Variants in CFAP54 observed in about 807,000 individuals in gnomAD.
The protein encoded by CFAP54 is cilia and flagella associated protein 54.
In CFAP54, 290 loss-of-function variants were observed where a neutral mutation model predicts 370.4. The observed-to-expected ratio is 0.78, with a 90% CI of 0.71 to 0.86. CFAP54 has a LOEUF of 0.86. Among genes scored for constraint, CFAP54 ranks in the 40% least tolerant of loss-of-function variants. CFAP54 has a pLI of 0.00. For missense variants in CFAP54, 3,399 were observed against 3,528.7 expected (o/e 0.96, Z 0.93); for synonymous variants, 1,206 against 1,236.5 (o/e 0.98, Z 0.52).
chr12:96,781,038 T>G (rs774248802), intron 60 of CFAP54, among the ~76,000 whole-genome samples: 1 of 151,904 alleles, frequency 6.6e-6, no homozygotes, highest in Non-Finnish European at 1.5e-5. Flanking sequence ...AAGAAGTAGA[T>G]GTAATGTAGA....
At chr12:96,559,957 T>C (rs1002058762) in intron 17 of CFAP54, among the ~76,000 whole-genome samples, 2 of 152,156 alleles carry the variant, frequency 1.3e-5, no homozygotes, top group African/African-American at 4.8e-5. Flanking sequence ...AAGATTTTCT[T>C]ATGTTTTCTT....
intron 67 of CFAP54, among the ~76,000 whole-genome samples, chr12:96,873,687 G>GCTA: frequency 6.6e-6 from 1 of 152,314 alleles, no homozygotes; most frequent in South Asian, 2.1e-4. Flanking sequence ...TGCCATTACA[G>GCTA]TGCAAAAGCA....
At chr12:96,555,125 G>T (rs556607429) in intron 17 of CFAP54, among the ~76,000 whole-genome samples, 38 of 152,042 alleles carry the variant, frequency 2.5e-4, no homozygotes, top group Non-Finnish European at 4.1e-4. Flanking sequence ...ATTAGGCTAG[G>T]TGCCAATAAG....
chr12:96,507,534 TACAC>T (rs34776926), intron 4 of CFAP54, among the ~76,000 whole-genome samples: 1,466 of 140,682 alleles, frequency 0.01, 22 homozygotes, highest in African/African-American at 0.035. Flanking sequence ...CACACACACA[TACAC>T]ACACACACAC....
intron 32 of CFAP54, among the ~76,000 whole-genome samples, chr12:96,641,464 T>C (rs563866888): frequency 6.6e-6 from 1 of 151,926 alleles, no homozygotes; most frequent in African/African-American, 2.4e-5. Context: ...ATAGGAACAC[T>C]TTTATGCTGT....
chr12:96,650,044 A>G lies in CFAP54; in HGVS notation c.4844A>G (p.Lys1615Arg), dbSNP rs747088822. ...ANLCVMDHFM[K>R]IFLYCRRAMV... is the part of the protein sequence containing the mutation. ...TTGTGTGTAATGGATCATTTTATGAAAATCTTTTTATACTGCAGGAGAGCA... is the reference window on the plus strand; with the variant it reads ...TTGTGTGTAATGGATCATTTTATGAGAATCTTTTTATACTGCAGGAGAGCA... Residue 1615 changes from lysine to arginine, a missense_variant, in exon 35 of 68, where the codon AAA (lysine) becomes AGA (arginine). Lys to Arg is a conservative substitution (Grantham distance 26). Coordinates refer to ENST00000524981, the MANE Select transcript of CFAP54 (RefSeq NM_001306084.2). The G allele has an allele frequency of 6.2e-7, 1 of 1,612,528 alleles. No individual in the cohort carries two copies. Among genetic ancestry groups the G allele is most frequent in the Non-Finnish European group, 8.5e-7 (1 of 1,179,554 alleles).
rs1592724549 is a variant in CFAP54 at position 96,720,685 on chromosome 12, C to T, written c.6965+120C>T. ...AATTCCTATATCCATAGTATGCTTGCTTTTTATTATTCAGGGAAGTTTTCA... is the reference window on the plus strand; with the variant it reads ...AATTCCTATATCCATAGTATGCTTGTTTTTTATTATTCAGGGAAGTTTTCA... On this transcript the variant is annotated intron_variant, in intron 50 of 67. Transcript: ENST00000524981. 6 of 834,664 alleles carry T rather than the reference C, an allele frequency of 7.2e-6. No homozygotes were observed. The East Asian group carries it at 2.0e-4, about 28-fold the overall frequency. 51.7% of individuals were successfully genotyped at this position (834,664 alleles called of 1,614,324 possible).
chr12:96,866,991 G>A (rs1297787191), intron 67 of CFAP54, among the ~76,000 whole-genome samples: 3 of 152,108 alleles, frequency 2.0e-5, no homozygotes, highest in African/African-American at 7.2e-5. Flanking sequence ...GTTTAGGCCT[G>A]CTGGGGTTTG....
At chr12:96,826,348 A>G (rs1309449217) in intron 65 of CFAP54, among the ~76,000 whole-genome samples, 7 of 66,762 alleles carry the variant, frequency 1.0e-4, no homozygotes, top group African/African-American at 4.3e-4. Context: ...CAATATATAT[A>G]CTTGAATATA....
At chr12:96,795,009 C>T (rs546836390) in intron 63 of CFAP54, among the ~76,000 whole-genome samples, 11 of 152,130 alleles carry the variant, frequency 7.2e-5, no homozygotes, top group Non-Finnish European at 1.6e-4. Context: ...TGTTATTTCT[C>T]TTCTGGGTCT....
chr12:96,768,178 G>A (rs928721703), intron 60 of CFAP54, among the ~76,000 whole-genome samples: 10 of 151,918 alleles, frequency 6.6e-5, no homozygotes, highest in Non-Finnish European at 1.0e-4. Context: ...AAAATTAGCC[G>A]GGTGTGCTGC....
At chr12:96,674,395 T>C (rs980123445) in intron 39 of CFAP54, among the ~76,000 whole-genome samples, 7 of 151,692 alleles carry the variant, frequency 4.6e-5, no homozygotes, top group South Asian at 2.1e-4. Flanking sequence ...TTCAAACTGT[T>C]GAGGCTACTA....
chr12:96,698,729 ATACTT>A (rs1332454442), intron 45 of CFAP54, among the ~76,000 whole-genome samples: 12 of 152,180 alleles, frequency 7.9e-5, no homozygotes, highest in African/African-American at 2.7e-4. Context: ...ATTGGGTACT[ATACTT>A]GTCACCAGTA....
chr12:96,825,834 A>G (rs1251752820), intron 65 of CFAP54, among the ~76,000 whole-genome samples: 2 of 134,166 alleles, frequency 1.5e-5, no homozygotes, highest in Non-Finnish European at 3.1e-5. Context: ...AAATTAGTAT[A>G]TAATATAATT....
At chr12:96,629,519 T>C (rs1956583242) in intron 30 of CFAP54, among the ~76,000 whole-genome samples, 1 of 151,460 alleles carries the variant, frequency 6.6e-6, no homozygotes, top group Non-Finnish European at 1.5e-5. Flanking sequence ...TTCACCCTGT[T>C]AGCCAGGATG....
intron 62 of CFAP54, among the ~76,000 whole-genome samples, chr12:96,787,124 A>C (rs1258215608): frequency 6.6e-6 from 1 of 152,216 alleles, no homozygotes; most frequent in Non-Finnish European, 1.5e-5. Context: ...TAAGTCTTTT[A>C]AAATGCCTTA....
chr12:96,655,190 G>GT (rs149611504), intron 36 of CFAP54, among the ~76,000 whole-genome samples: 5,617 of 148,192 alleles, frequency 0.038, 142 homozygotes, highest in African/African-American at 0.078. Flanking sequence ...CATATATATG[G>GT]TTTTTTTTTT....
At chr12:96,743,101 C>A (rs1958070621) in intron 52 of CFAP54, among the ~76,000 whole-genome samples, 1 of 152,130 alleles carries the variant, frequency 6.6e-6, no homozygotes, top group Admixed American at 6.5e-5. Flanking sequence ...TTAGTTCTTG[C>A]AGTGATTAAT....
chr12:96,516,002 A>G (rs1185557611), intron 5 of CFAP54, among the ~76,000 whole-genome samples: 1 of 131,158 alleles, frequency 7.6e-6, no homozygotes, highest in East Asian at 2.1e-4. Context: ...TGCAAGCTCC[A>G]CCTCCCGGGT....
Sources: gnomAD v4.1 joint callset for allele counts (sites outside exome capture counted in the v4.1 genomes callset) on GRCh38, gnomAD v4.1.1 for gene constraint, MANE v1.5 for transcripts, NCBI Gene and HGNC (gene_info 2026-07-23, HGNC 2026-07-21) for gene names.